The following CFAP263 variants were observed in gnomAD, a reference collection of about 807,000 sequenced individuals.
The protein encoded by CFAP263 is cilia and flagella associated protein 263.
chr16:58,253,088 G>A, the CFAP263 span, among the ~76,000 whole-genome samples: 1 of 152,162 alleles, frequency 6.6e-6, no homozygotes, highest in Non-Finnish European at 1.5e-5. Context: ...TTACTTGAAA[G>A]AATTCCCTTT....
At chr16:58,265,533 C>T in the CFAP263 span, among the ~76,000 whole-genome samples, 1 of 152,176 alleles carries the variant, frequency 6.6e-6, no homozygotes, top group Non-Finnish European at 1.5e-5. Context: ...CAAGGAAGTG[C>T]CTTCTGCCAA....
the CFAP263 span, among the ~76,000 whole-genome samples, chr16:58,270,370 T>C: frequency 6.6e-6 from 1 of 152,076 alleles, no homozygotes; most frequent in Non-Finnish European, 1.5e-5. Context: ...GAATGTCCCA[T>C]GTAATTTATC....
At chr16:58,252,830 A>G in the CFAP263 span, 12 of 1,614,024 alleles carry the variant, frequency 7.4e-6, no homozygotes, top group Admixed American at 1.7e-5. Flanking sequence ...AGAAATTAAA[A>G]TATCAGCAGC....
the CFAP263 span, among the ~76,000 whole-genome samples, chr16:58,267,775 C>T: frequency 6.6e-6 from 1 of 151,984 alleles, no homozygotes; most frequent in East Asian, 1.9e-4. Context: ...CCAGGTGTGT[C>T]GCATTTTACT....
the CFAP263 span, chr16:58,262,325 G>A: frequency 6.7e-7 from 1 of 1,481,494 alleles, no homozygotes; most frequent in Non-Finnish European, 9.2e-7. Context: ...CAAGATGTGA[G>A]CCATACATTC....
the CFAP263 span, among the ~76,000 whole-genome samples, chr16:58,270,128 C>T: frequency 3.9e-5 from 6 of 152,158 alleles, no homozygotes; most frequent in African/African-American, 1.2e-4. Context: ...GTCTATCTTT[C>T]TTTGAGAAAT....
At chr16:58,254,007 A>C in the CFAP263 span, 1 of 1,614,062 alleles carries the variant, frequency 6.2e-7, no homozygotes, top group Non-Finnish European at 8.5e-7. Flanking sequence ...GTTTCGAGGC[A>C]GGCGTAGATC....
chr16:58,253,068 A>G, the CFAP263 span, among the ~76,000 whole-genome samples: 37 of 152,296 alleles, frequency 2.4e-4, no homozygotes, highest in African/African-American at 8.9e-4. Flanking sequence ...CTCTCCCAGC[A>G]TATCTTAGTT....
At chr16:58,249,941 C>A in the CFAP263 span, 1 of 999,074 alleles carries the variant, frequency 1.0e-6, no homozygotes, top group East Asian at 2.6e-5. Context: ...GCGTCGCAGC[C>A]GGAGTGACGC....
chr16:58,254,140 G>T, the CFAP263 span: 1 of 1,614,178 alleles, frequency 6.2e-7, no homozygotes, highest in South Asian at 1.1e-5. Context: ...AATGCGGAAC[G>T]CGACCTGCAG....
chr16:58,250,005 C>T, the CFAP263 span: 64 of 1,567,380 alleles, frequency 4.1e-5, no homozygotes, highest in African/African-American at 7.0e-4. Context: ...GGGGCCGCTT[C>T]GGCAGAGTGA....
chr16:58,260,383 C>T, the CFAP263 span, among the ~76,000 whole-genome samples: 1 of 152,174 alleles, frequency 6.6e-6, no homozygotes, highest in African/African-American at 2.4e-5. Flanking sequence ...AGACTCCTGA[C>T]CTCCAGAACT....
the CFAP263 span, among the ~76,000 whole-genome samples, chr16:58,266,801 G>A: frequency 3.3e-5 from 5 of 152,132 alleles, no homozygotes; most frequent in Non-Finnish European, 7.4e-5. Flanking sequence ...CCAGTGAAGG[G>A]CAGATGATGC....
chr16:58,266,401 ATATATTTTTTTTTTTT>A, the CFAP263 span, among the ~76,000 whole-genome samples: 40 of 41,824 alleles, frequency 9.6e-4, no homozygotes, highest in African/African-American at 4.3e-3. Flanking sequence ...ATATATATAT[ATATATTTTTTTTTTTT>A]TTTTTTTTTT....
At chr16:58,276,120 A>C in the CFAP263 span, among the ~76,000 whole-genome samples, 1 of 152,226 alleles carries the variant, frequency 6.6e-6, no homozygotes, top group Non-Finnish European at 1.5e-5. Context: ...AAAACTAATA[A>C]CTAATAGAAA....
chr16:58,252,353 A>AAT, the CFAP263 span, among the ~76,000 whole-genome samples: 8 of 151,520 alleles, frequency 5.3e-5, no homozygotes, highest in South Asian at 2.1e-4. Flanking sequence ...AAACAAATAA[A>AAT]ATATATATAT....
chr16:58,260,045 T>C, the CFAP263 span: 12 of 640,938 alleles, frequency 1.9e-5, no homozygotes, highest in Admixed American at 3.1e-4. Flanking sequence ...CCCTGGAATC[T>C]GTGAATACAT....
chr16:58,252,451 G>A, the CFAP263 span, among the ~76,000 whole-genome samples: 1 of 152,014 alleles, frequency 6.6e-6, no homozygotes, highest in Non-Finnish European at 1.5e-5. Context: ...AATTTTCAAT[G>A]TAATACTAGT....
the CFAP263 span, chr16:58,258,591 T>A: frequency 6.8e-7 from 1 of 1,472,598 alleles, no homozygotes; most frequent in Non-Finnish European, 9.4e-7. Flanking sequence ...AAATCATCCA[T>A]GTGAAGCAGC....
Sources: allele counts gnomAD v4.1 joint callset (sites outside exome capture counted in the v4.1 genomes callset), GRCh38; gene constraint gnomAD v4.1.1; transcripts MANE v1.5; gene names NCBI Gene and HGNC (gene_info 2026-07-23, HGNC 2026-07-21).